The following PGM5 variants were observed in gnomAD, a reference collection of about 807,000 sequenced individuals.
The protein encoded by PGM5 is phosphoglucomutase-like protein 5.
Under a neutral mutation model 59.2 loss-of-function variants are expected in PGM5, and 23 were observed. The ratio of observed to expected loss-of-function variants is 0.39; its 90% CI spans 0.28 to 0.55. The LOEUF is 0.55. Ranked by LOEUF, PGM5 falls within the 20% of genes least tolerant of loss-of-function variation. PGM5 has a pLI of 0.66. For missense variants in PGM5, 574 were observed against 748.3 expected, an observed-to-expected ratio of 0.77 and a Z score of 2.72; for synonymous variants, 214 against 286.0, an observed-to-expected ratio of 0.75 and a Z score of 2.54.
At chr9:68,474,578 G>A (rs1824074279) in intron 7 of PGM5, among the ~76,000 whole-genome samples, 1 of 151,424 alleles carries the variant, frequency 6.6e-6, no homozygotes, top group African/African-American at 2.4e-5. Flanking sequence ...AAAAAAAAAA[G>A]GCCTTCTTTT....
intron 7 of PGM5, among the ~76,000 whole-genome samples, chr9:68,477,125 A>G (rs1824120449): frequency 6.6e-6 from 1 of 152,216 alleles, no homozygotes; most frequent in South Asian, 2.1e-4. Flanking sequence ...AGTGTAAAGA[A>G]TTCACTGGAT....
In PGM5 at chr9:68,509,969, A is replaced by G. The variant is rs189612595; in HGVS notation, c.1614+10608A>G. ...ACCTTCCAGAGTCAGCCAGGCCCCA[A>G]GATGTCAAAGCATTAGAATAAAAAC... On this transcript the variant is annotated intron_variant, in intron 10 of 10. Transcript: ENST00000396396. 8.3e-4 allele frequency among the ~76,000 whole-genome samples: 126 copies of G among 152,260 alleles called. 1 individual carries two copies. Among genetic ancestry groups the G allele is most frequent in the African/African-American group, 2.8e-3 (118 of 41,544 alleles).
chr9:68,415,364 G>T (rs1270808535), intron 6 of PGM5, among the ~76,000 whole-genome samples: 6 of 149,182 alleles, frequency 4.0e-5, no homozygotes, highest in Admixed American at 6.6e-5. Context: ...CCAAAGGCTG[G>T]CAGGATCCAG....
intron 6 of PGM5, among the ~76,000 whole-genome samples, chr9:68,454,513 G>T (rs111584168): frequency 1.3e-5 from 2 of 152,308 alleles, no homozygotes; most frequent in African/African-American, 2.4e-5. Flanking sequence ...GGATGATGCC[G>T]CAGTAGGAGA....
At chr9:68,526,775 A>C (rs1234989482) in intron 10 of PGM5, among the ~76,000 whole-genome samples, 1 of 152,242 alleles carries the variant, frequency 6.6e-6, no homozygotes, top group Non-Finnish European at 1.5e-5. Context: ...CCCACATCTA[A>C]TTTGACAGGA....
At chr9:68,505,639 T>G (rs2132109504) in intron 10 of PGM5, among the ~76,000 whole-genome samples, 1 of 152,328 alleles carries the variant, frequency 6.6e-6, no homozygotes, top group East Asian at 1.9e-4. Flanking sequence ...GAAGAAATGC[T>G]TAGGGCCAGG....
chr9:68,524,882 G>T (rs183388300), intron 10 of PGM5, among the ~76,000 whole-genome samples: 13 of 152,304 alleles, frequency 8.5e-5, no homozygotes, highest in Non-Finnish European at 1.8e-4. Flanking sequence ...GTGTGACCGT[G>T]GGTCAATCCT....
chr9:68,501,446 AGCCTTTAAGTG>A (rs1824572204), intron 10 of PGM5, among the ~76,000 whole-genome samples: 1 of 152,172 alleles, frequency 6.6e-6, no homozygotes, highest in South Asian at 2.1e-4. Flanking sequence ...ACTCTACCTA[AGCCTTTAAGTG>A]GGAGCATTTT....
chr9:68,474,547 G>T (rs1824073518), intron 7 of PGM5, among the ~76,000 whole-genome samples: 1 of 151,768 alleles, frequency 6.6e-6, no homozygotes, highest in Non-Finnish European at 1.5e-5. Flanking sequence ...AGTGGAGGGG[G>T]AACAGTGATA....
chr9:68,377,675 G>A (rs1485406457), intron 1 of PGM5, among the ~76,000 whole-genome samples: 2 of 152,144 alleles, frequency 1.3e-5, no homozygotes, highest in African/African-American at 4.8e-5. Flanking sequence ...AGCAGAAAGA[G>A]AATTCCTACT....
chr9:68,400,155 T>C (rs1389059060), intron 6 of PGM5, among the ~76,000 whole-genome samples: 50 of 152,124 alleles, frequency 3.3e-4, no homozygotes, highest in Admixed American at 3.3e-4. Flanking sequence ...CCAAGGGCAG[T>C]TGTTCTAAAG....
intron 1 of PGM5, among the ~76,000 whole-genome samples, chr9:68,373,601 T>C (rs1821795853): frequency 6.6e-6 from 1 of 152,196 alleles, no homozygotes; most frequent in African/African-American, 2.4e-5. Context: ...TGTAATAGCA[T>C]AAAATAATTT....
intron 6 of PGM5, among the ~76,000 whole-genome samples, chr9:68,423,925 T>G (rs1465118424): frequency 6.6e-6 from 1 of 152,148 alleles, no homozygotes; most frequent in African/African-American, 2.4e-5. Context: ...TGGGGAAGAC[T>G]GGGCTGAATT....
At chr9:68,413,844 G>A (rs1822977726) in intron 6 of PGM5, among the ~76,000 whole-genome samples, 1 of 152,088 alleles carries the variant, frequency 6.6e-6, no homozygotes, top group African/African-American at 2.4e-5. Context: ...CACCCATTCT[G>A]GTGTAGGGTA....
chr9:68,454,777 C>T (rs181640051), intron 6 of PGM5, among the ~76,000 whole-genome samples: 1 of 152,318 alleles, frequency 6.6e-6, no homozygotes, highest in South Asian at 2.1e-4. Context: ...CCACAGGCAG[C>T]GCATGTTTGC....
At chr9:68,357,655 C>T in intron 1 of PGM5, 3 of 539,890 alleles carry the variant, frequency 5.6e-6, no homozygotes, top group Non-Finnish European at 9.7e-6. Flanking sequence ...ACTCCGGGCG[C>T]CCTGGACTCT....
At chr9:68,417,673 A>G (rs1006949023) in intron 6 of PGM5, among the ~76,000 whole-genome samples, 2 of 152,136 alleles carry the variant, frequency 1.3e-5, no homozygotes, top group Non-Finnish European at 2.9e-5. Context: ...ATGCGACACA[A>G]TTCTGGGGCA....
At chr9:68,445,151 T>C (rs1823591695) in intron 6 of PGM5, among the ~76,000 whole-genome samples, 1 of 152,106 alleles carries the variant, frequency 6.6e-6, no homozygotes, top group African/African-American at 2.4e-5. Flanking sequence ...TTTTAATGCT[T>C]ATAGCAGTGG....
chr9:68,408,619 T>C (rs1408046259), intron 6 of PGM5, among the ~76,000 whole-genome samples: 4 of 152,254 alleles, frequency 2.6e-5, no homozygotes, highest in Non-Finnish European at 5.9e-5. Context: ...TTGCCATTGC[T>C]TTTGGTGTTT....
Sources: gnomAD v4.1 joint callset for allele counts (sites outside exome capture counted in the v4.1 genomes callset) on GRCh38, gnomAD v4.1.1 for gene constraint, MANE v1.5 for transcripts, NCBI Gene and HGNC (gene_info 2026-07-23, HGNC 2026-07-21) for gene names.